THSD7B: variants seen among roughly 807,000 people sequenced by gnomAD.
The protein encoded by THSD7B is thrombospondin type 1 domain containing 7B, also known as thrombospondin type-1 domain-containing protein 7B.
In THSD7B, 138 loss-of-function variants were observed where a neutral mutation model predicts 213.6. That is an observed-to-expected ratio of 0.65 (90% CI 0.56 to 0.74). The LOEUF (loss-of-function observed/expected upper bound fraction) is 0.74. Among genes scored for constraint, THSD7B ranks in the 30% least tolerant of loss-of-function variants. The pLI, the probability that THSD7B is intolerant of heterozygous loss-of-function variation, is 0.00. For synonymous variants in THSD7B, 742 were observed against 687.0 expected, an observed-to-expected ratio of 1.08 and a Z score of -1.25; for missense variants, 1,931 against 1,991.5, an observed-to-expected ratio of 0.97 and a Z score of 0.58.
At chr2:137,465,626 A>G (rs149344769) in intron 15 of THSD7B, among the ~76,000 whole-genome samples, 64 of 152,268 alleles carry the variant, frequency 4.2e-4, no homozygotes, top group African/African-American at 1.4e-3. Flanking sequence ...CACTTGGTCC[A>G]TCATTGTTCT....
chr2:137,671,394 T>C (rs1683573850), intron 27 of THSD7B, among the ~76,000 whole-genome samples: 2 of 152,170 alleles, frequency 1.3e-5, no homozygotes, highest in East Asian at 1.9e-4. Flanking sequence ...TATTAATCCA[T>C]TGTCATACTA....
At chr2:137,527,587 C>G (rs1312429265) in intron 15 of THSD7B, among the ~76,000 whole-genome samples, 2 of 151,862 alleles carry the variant, frequency 1.3e-5, no homozygotes, top group African/African-American at 4.8e-5. Flanking sequence ...TTTGAAGAAT[C>G]ATGTGTCCCT....
intron 13 of THSD7B, among the ~76,000 whole-genome samples, chr2:137,408,229 T>C (rs1686573043): frequency 6.6e-6 from 1 of 152,184 alleles, no homozygotes; most frequent in Non-Finnish European, 1.5e-5. Context: ...TTGTACAGAA[T>C]ATTTGTTTGC....
At chr2:137,632,189 T>G (rs1196534299) in intron 20 of THSD7B, among the ~76,000 whole-genome samples, 1 of 152,098 alleles carries the variant, frequency 6.6e-6, no homozygotes, top group East Asian at 1.9e-4. Context: ...GCATGCTATA[T>G]CACTATAAAA....
chr2:137,639,797 C>T (rs56237523), intron 20 of THSD7B, among the ~76,000 whole-genome samples: 12,054 of 152,160 alleles, frequency 0.079, 615 homozygotes, highest in Non-Finnish European at 0.11. Context: ...TTGCCTGGGC[C>T]GCATAACCCC....
intron 17 of THSD7B, among the ~76,000 whole-genome samples, chr2:137,613,706 T>C (rs1321688318): frequency 6.6e-6 from 1 of 152,136 alleles, no homozygotes; most frequent in Non-Finnish European, 1.5e-5. Flanking sequence ...CTTTATATAA[T>C]TACTCTAGTG....
In THSD7B at chr2:137,411,603, G is replaced by C. The variant is rs778601818; in HGVS notation, c.2696-6G>C. The C allele has an allele frequency of 1.9e-6, 3 of 1,607,414 alleles. No homozygotes were observed. Among genetic ancestry groups the C allele is most frequent in the East Asian group, 2.2e-5 (1 of 44,762 alleles). Reference sequence around the variant, plus strand: ...TTTAATATCTTAATGTCTCTTGTTGGAACAGGGAAAAGCAGAAAGAAGGAG... The same window carrying C: ...TTTAATATCTTAATGTCTCTTGTTGCAACAGGGAAAAGCAGAAAGAAGGAG... On this transcript the variant is annotated splice_region_variant and splice_polypyrimidine_tract_variant and intron_variant, in intron 13 of 27. Transcript: ENST00000409968.
At chr2:137,603,677 C>T (rs561336511) in intron 17 of THSD7B, among the ~76,000 whole-genome samples, 43 of 152,324 alleles carry the variant, frequency 2.8e-4, no homozygotes, top group African/African-American at 9.6e-4. Context: ...TTGCTTATTA[C>T]GCTATGTGAC....
At position 136,933,668 on chromosome 2, in the gene THSD7B, G is replaced by A. The variant is rs553641766; in HGVS notation, c.139+51351G>A. Among the ~76,000 whole-genome samples, 16 of 142,242 alleles carry A rather than the reference G, an allele frequency of 1.1e-4. No homozygotes were observed. In the East Asian group the frequency reaches 2.5e-3, roughly 22 times the overall value. The allele number at this position is 142,242 out of a possible 152,430, so 93.3% of individuals were successfully genotyped here. A position where few individuals can be genotyped will look rare whatever the true frequency, so the allele number is the denominator to read the frequency against. On this transcript the variant is annotated intron_variant, in intron 2 of 27. Transcript: ENST00000409968. ...ATTATTGATAGATTTTAATTGCATC[G>A]CTATCTTTTTAATAATCAATCTCTT...
At chr2:137,642,463 G>A (rs1283703512) in intron 20 of THSD7B, 25 bp from the exon 21 acceptor site, 1 of 1,612,000 alleles carries the variant, frequency 6.2e-7, no homozygotes, top group South Asian at 1.1e-5. Flanking sequence ...TAACTGAAAA[G>A]CTGACACCTC....
At chr2:137,195,656 GAATA>G (rs2105018738) in intron 7 of THSD7B, among the ~76,000 whole-genome samples, 1 of 152,106 alleles carries the variant, frequency 6.6e-6, no homozygotes, top group East Asian at 1.9e-4. Flanking sequence ...ATAAATGCAT[GAATA>G]AATAGATAAA....
At position 137,542,401 on chromosome 2, in the gene THSD7B, C is replaced by T. The variant is rs2105193636; in HGVS notation, c.3139-20820C>T. On this transcript the variant is annotated intron_variant, in intron 15 of 27. Transcript: ENST00000409968. ...TAAGAAACTCTCAAATAAACTAAAACTGAGTATATTAATTGCTAGCTGATC... is the reference window on the plus strand; with the variant it reads ...TAAGAAACTCTCAAATAAACTAAAATTGAGTATATTAATTGCTAGCTGATC... Among the ~76,000 whole-genome samples, 2 of 151,598 alleles carry T rather than the reference C, an allele frequency of 1.3e-5. 1 individual carries two copies. Among genetic ancestry groups the T allele is most frequent in the African/African-American group, 4.8e-5 (2 of 41,422 alleles).
chr2:137,608,039 C>A (rs1012511973), intron 17 of THSD7B, among the ~76,000 whole-genome samples: 4 of 152,180 alleles, frequency 2.6e-5, no homozygotes, highest in Non-Finnish European at 5.9e-5. Context: ...TGCCCCTGGT[C>A]TTGTCAGTCC....
At chr2:137,459,150 CA>C (rs1687828614) in intron 15 of THSD7B, among the ~76,000 whole-genome samples, 2 of 151,528 alleles carry the variant, frequency 1.3e-5, no homozygotes, top group South Asian at 4.2e-4. Flanking sequence ...GATGGGAGTA[CA>C]GTATCTTTTA....
intron 2 of THSD7B, among the ~76,000 whole-genome samples, chr2:137,023,431 G>A (rs1232295141): frequency 6.6e-6 from 1 of 152,110 alleles, no homozygotes; most frequent in African/African-American, 2.4e-5. Context: ...ATTAGGAAGG[G>A]ACTCTGGGAA....
intron 5 of THSD7B, among the ~76,000 whole-genome samples, chr2:137,126,602 ACAAT>A (rs1024276905): frequency 1.3e-3 from 195 of 152,246 alleles, no homozygotes; most frequent in African/African-American, 4.4e-3. Flanking sequence ...CTTTATATCA[ACAAT>A]CAGACTGTTT....
At chr2:137,310,495 G>A (rs1267774606) in intron 12 of THSD7B, among the ~76,000 whole-genome samples, 1 of 150,178 alleles carries the variant, frequency 6.7e-6, no homozygotes, top group Non-Finnish European at 1.5e-5. Context: ...CTGTGCAGAA[G>A]CTCTTTAGTT....
chr2:136,834,729 A>G (rs1184836176), intron 1 of THSD7B, among the ~76,000 whole-genome samples: 1 of 152,202 alleles, frequency 6.6e-6, no homozygotes, highest in East Asian at 1.9e-4. Flanking sequence ...CTCCAATAGT[A>G]GTAATTGCAG....
At chr2:137,612,847 G>C (rs1246485428) in intron 17 of THSD7B, among the ~76,000 whole-genome samples, 3 of 152,038 alleles carry the variant, frequency 2.0e-5, no homozygotes, top group African/African-American at 7.2e-5. Context: ...AAATTGATTA[G>C]GACACAGATG....
Sources: gnomAD v4.1 joint callset for allele counts (sites outside exome capture counted in the v4.1 genomes callset) on GRCh38, gnomAD v4.1.1 for gene constraint, MANE v1.5 for transcripts, NCBI Gene and HGNC (gene_info 2026-07-23, HGNC 2026-07-21) for gene names.